SORCS1: variants seen among roughly 807,000 people sequenced by gnomAD.
SORCS1 encodes the protein sortilin related VPS10 domain containing receptor 1.
Under a neutral mutation model 146.1 loss-of-function variants are expected in SORCS1, and 60 were observed. The ratio of observed to expected loss-of-function variants is 0.41; its 90% confidence interval spans 0.33 to 0.51. SORCS1 has a LOEUF of 0.51. Among genes scored for constraint, SORCS1 ranks in the 20% least tolerant of loss-of-function variants. SORCS1 has a pLI of 0.21. For synonymous variants in SORCS1, 637 were observed against 584.0 expected (o/e 1.09, Z -1.31); for missense variants, 1,352 against 1,487.6 (o/e 0.91, Z 1.50).
chr10:106,577,390 C>A lies in SORCS1; in HGVS notation c.*30G>T, dbSNP rs777197408. On this transcript the variant is annotated 3_prime_UTR_variant, in exon 26 of 26. Transcript: ENST00000263054. Reference sequence around the variant, plus strand: ...AAGAGCGAAATTCTTTCCTGATCAGCAGGTCGCCTGTAGCCTTTGGGGGTT... The same window carrying A: ...AAGAGCGAAATTCTTTCCTGATCAGAAGGTCGCCTGTAGCCTTTGGGGGTT... 1 of 1,613,474 alleles carries A rather than the reference C, an allele frequency of 6.2e-7. No individual in the cohort carries two copies. Among genetic ancestry groups the A allele is most frequent in the African/African-American group, 1.3e-5 (1 of 74,900 alleles).
At chr10:107,021,094 C>T (rs1264419677) in intron 1 of SORCS1, among the ~76,000 whole-genome samples, 2 of 152,128 alleles carry the variant, frequency 1.3e-5, no homozygotes, top group Non-Finnish European at 2.9e-5. Flanking sequence ...CATGAATACA[C>T]TGCATGAAGC....
intron 5 of SORCS1, among the ~76,000 whole-genome samples, chr10:106,740,655 T>TCAAAAC (rs1490036631): frequency 3.3e-5 from 5 of 152,194 alleles, no homozygotes; most frequent in African/African-American, 1.2e-4. Context: ...CCGGTGTCAA[T>TCAAAAC]CAATGGCTGG....
intron 18 of SORCS1, among the ~76,000 whole-genome samples, chr10:106,640,159 G>C (rs1318000058): frequency 6.6e-6 from 1 of 152,202 alleles, no homozygotes; most frequent in East Asian, 1.9e-4. Context: ...AGACAAGTGA[G>C]TATCTTGAAG....
intron 2 of SORCS1, among the ~76,000 whole-genome samples, chr10:106,857,727 C>T (rs1032078032): frequency 5.3e-5 from 8 of 152,062 alleles, no homozygotes; most frequent in Non-Finnish European, 1.0e-4. Flanking sequence ...TTTTTTTAAC[C>T]TGTCAGTGCA....
Position 107,164,021 on chromosome 10 carries a change from C to G in SORCS1, c.506G>C (p.Gly169Ala), listed in dbSNP as rs201804328. The change falls in exon 1 of 26, where the codon GGA (glycine) becomes GCA (alanine). Residue 169 changes from glycine to alanine, a missense_variant. Gly to Ala is a moderately conservative substitution (Grantham distance 60, BLOSUM62 0). Around this residue, in one of 3 missense-constraint regions of SORCS1, gnomAD observed 490 missense variants for 489.1 expected, o/e 1.00. Transcript: ENST00000263054. This position sits in a 1 kb window ranked among gnomAD's most constrained non-coding sequence, Gnocchi z 6.8. Reference protein sequence around the residue: ...RLTSTTFALTGDSAHNQAMVH... With the variant: ...RLTSTTFALTADSAHNQAMVH... ...CATGGCTTGGTTGTGTGCTGAGTCT[C>G]CCGTCAGCGCAAACGTGGTGCTGGT... 2.7e-4 allele frequency: 430 copies of G among 1,614,134 alleles called. No homozygotes were observed. The highest frequency in any genetic ancestry group is 3.2e-4 in the Non-Finnish European group (381 of 1,180,022).
intron 2 of SORCS1, among the ~76,000 whole-genome samples, chr10:106,925,295 C>T (rs10786988): frequency 0.52 from 79,393 of 151,778 alleles, 22,362 homozygotes; most frequent in Non-Finnish European, 0.63. Context: ...CTTTGTGGGC[C>T]AGCACTCAGG....
At chr10:106,638,052 A>T (rs1264073323) in intron 18 of SORCS1, among the ~76,000 whole-genome samples, 1 of 152,200 alleles carries the variant, frequency 6.6e-6, no homozygotes, top group Non-Finnish European at 1.5e-5. Flanking sequence ...ATATTATGGT[A>T]CAGAGAGGTT....
chr10:106,762,339 G>T (rs1859180965), intron 4 of SORCS1, among the ~76,000 whole-genome samples: 2 of 150,018 alleles, frequency 1.3e-5, no homozygotes, highest in African/African-American at 4.9e-5. Flanking sequence ...CAGGCATCTA[G>T]CCAAGGAGAA....
intron 6 of SORCS1, among the ~76,000 whole-genome samples, chr10:106,727,528 CA>C (rs1410348992): frequency 6.6e-6 from 1 of 152,082 alleles, no homozygotes; most frequent in Non-Finnish European, 1.5e-5. Flanking sequence ...TCTGGAGACA[CA>C]ATACTGAATA....
At chr10:106,851,085 C>A (rs1013171754) in intron 2 of SORCS1, among the ~76,000 whole-genome samples, 1 of 152,186 alleles carries the variant, frequency 6.6e-6, no homozygotes, top group Admixed American at 6.5e-5. Flanking sequence ...TACTGAATTT[C>A]TTTGTATATT....
At chr10:106,577,654 G>C in intron 25 of SORCS1, 99 bp from the exon 26 acceptor site, 1 of 1,546,388 alleles carries the variant, frequency 6.5e-7, no homozygotes, top group Non-Finnish European at 8.7e-7. Flanking sequence ...TGGAGAAGGA[G>C]GAATTACTAC....
intron 1 of SORCS1, among the ~76,000 whole-genome samples, chr10:107,026,415 C>T (rs573277708): frequency 6.6e-5 from 10 of 152,094 alleles, no homozygotes; most frequent in East Asian, 1.9e-4. Context: ...GTCAGGAGAT[C>T]GAGACCATCC....
At chr10:106,932,281 C>CA (rs1953460657) in intron 2 of SORCS1, among the ~76,000 whole-genome samples, 1 of 152,000 alleles carries the variant, frequency 6.6e-6, no homozygotes, top group African/African-American at 2.4e-5. Context: ...TTTAAAAAAA[C>CA]AAAGTAGAAA....
At chr10:107,079,878 G>C (rs1374278288) in intron 1 of SORCS1, among the ~76,000 whole-genome samples, 10 of 152,120 alleles carry the variant, frequency 6.6e-5, no homozygotes, top group Admixed American at 6.5e-4. Flanking sequence ...TCTTGCCTTT[G>C]GCTAGCTTAC....
At chr10:106,873,313 CA>C (rs72466113) in intron 2 of SORCS1, among the ~76,000 whole-genome samples, 27,528 of 129,742 alleles carry the variant, frequency 0.21, 5,480 homozygotes, top group African/African-American at 0.55. Flanking sequence ...AACTCGGTCT[CA>C]AAAAAAAAAA....
In SORCS1 at chr10:106,598,073, C is replaced by T. The variant is rs543134141; in HGVS notation, c.3166-623G>A. ...ACTATGAAATATTTAACCCCAAGCA[C>T]GGGGCAAATAACTTCATTTGGGTAG... On this transcript the variant is annotated intron_variant, in intron 23 of 25. Transcript: ENST00000263054. 1.8e-4 allele frequency among the ~76,000 whole-genome samples: 28 copies of T among 151,998 alleles called. No homozygotes were observed. The South Asian group carries it at 4.4e-3, about 24-fold the overall frequency.
chr10:107,000,357 T>G (rs1401146604), intron 1 of SORCS1, among the ~76,000 whole-genome samples: 1 of 151,618 alleles, frequency 6.6e-6, no homozygotes, highest in African/African-American at 2.4e-5. Context: ...CCCAGCACTT[T>G]GGGACGCCGA....
intron 2 of SORCS1, among the ~76,000 whole-genome samples, chr10:106,883,103 C>T (rs754804397): frequency 1.8e-4 from 28 of 152,148 alleles, no homozygotes; most frequent in Non-Finnish European, 5.9e-5. Context: ...GTATGTTTTC[C>T]TCACCATTTG....
intron 2 of SORCS1, among the ~76,000 whole-genome samples, chr10:106,882,291 C>T (rs1950834379): frequency 6.6e-6 from 1 of 151,838 alleles, no homozygotes; most frequent in Non-Finnish European, 1.5e-5. Flanking sequence ...AAAAAAATCA[C>T]CAAAAAAGTC....
Sources: gnomAD v4.1 joint callset for allele counts (sites outside exome capture counted in the v4.1 genomes callset) on GRCh38, gnomAD v4.1.1 for gene constraint, gnomAD v4.1.1 regional missense constraint, Gnocchi (gnomAD v3.1) non-coding constraint, MANE v1.5 for transcripts, NCBI Gene and HGNC (gene_info 2026-07-23, HGNC 2026-07-21) for gene names.